ABI3BP: variants seen among roughly 807,000 people sequenced by gnomAD.
The protein encoded by ABI3BP is ABI family member 3 binding protein.
A neutral mutation model predicts 268.6 loss-of-function variants in ABI3BP; 216 were observed. That is an observed-to-expected ratio of 0.80 (90% CI 0.72 to 0.90). The LOEUF (loss-of-function observed/expected upper bound fraction) is 0.90, where lower values mean the gene tolerates loss of function less well. Ranked by LOEUF, ABI3BP falls within the 40% of genes least tolerant of loss-of-function variation. ABI3BP has a pLI of 0.00. For synonymous variants in ABI3BP, 730 were observed against 730.0 expected, an observed-to-expected ratio of 1.00 and a Z score of 0.00; for missense variants, 2,090 against 2,182.4, an observed-to-expected ratio of 0.96 and a Z score of 0.84.
intron 26 of ABI3BP, 34 bp downstream of exon 26, chr3:100,838,176 C>A (rs1488930567): frequency 2.0e-6 from 3 of 1,504,466 alleles, no homozygotes; most frequent in South Asian, 2.4e-5. Context: ...CAAAGAAAAT[C>A]CTGTTAAGCT....
At chr3:100,912,469 T>G (rs1233445827) in intron 2 of ABI3BP, among the ~76,000 whole-genome samples, 1 of 152,054 alleles carries the variant, frequency 6.6e-6, no homozygotes, top group African/African-American at 2.4e-5. Flanking sequence ...TAGAATTTGA[T>G]GAAATAAGGT....
At chr3:100,907,394 T>G (rs1037866873) in intron 2 of ABI3BP, among the ~76,000 whole-genome samples, 5 of 152,080 alleles carry the variant, frequency 3.3e-5, no homozygotes, top group African/African-American at 1.2e-4. Context: ...CTCAGGAGGC[T>G]GAGGTGGGAA....
chr3:100,816,377 T>G, intron 43 of ABI3BP: 1 of 498,094 alleles, frequency 2.0e-6, no homozygotes, highest in Non-Finnish European at 3.6e-6. Flanking sequence ...ATGGATCACA[T>G]GTTTCAATGC....
In ABI3BP at chr3:100,768,087, T is replaced by G. The variant is rs952210962; in HGVS notation, c.4742-2138A>C. 2.2e-4 allele frequency among the ~76,000 whole-genome samples: 32 copies of G among 146,122 alleles called. 1 individual carries two copies. The South Asian group carries it at 3.5e-3, about 16-fold the overall frequency. On this transcript the variant is annotated intron_variant, in intron 62 of 67. Coordinates refer to ENST00000471714, the MANE Select transcript of ABI3BP (RefSeq NM_001375547.2). ...TCTGATTTCCATTTGGCTCAAGTTT[T>G]TTTTTTTTTTTTTTTTTGAGACGGA...
chr3:100,770,649 C>T lies in ABI3BP; in HGVS notation c.4741+94G>A, dbSNP rs41272985. 1.7e-3 allele frequency: 2,039 copies of T among 1,227,796 alleles called. 6 individuals carry two copies. The highest frequency in any genetic ancestry group is 5.8e-3 in the South Asian group (233 of 40,340). The allele number at this position is 1,227,796 out of a possible 1,614,324, so 76.1% of individuals were successfully genotyped here. A position where few individuals can be genotyped will look rare whatever the true frequency, so the allele number is the denominator to read the frequency against. ...TAGTTTTGTCTCCTCCCCAGGTATG[C>T]TTCACATGTCAACGTTGACCCAGGG... On this transcript the variant is annotated intron_variant, in intron 62 of 67. Transcript: ENST00000471714.
chr3:100,961,796 A>T (rs115741130), intron 1 of ABI3BP, among the ~76,000 whole-genome samples: 1 of 152,298 alleles, frequency 6.6e-6, no homozygotes, highest in South Asian at 2.1e-4. Flanking sequence ...ACTCTTAGAC[A>T]TCATTGAAAA....
At chr3:100,955,988 G>C (rs1247753403) in intron 1 of ABI3BP, among the ~76,000 whole-genome samples, 1 of 152,036 alleles carries the variant, frequency 6.6e-6, no homozygotes, top group African/African-American at 2.4e-5. Flanking sequence ...AGGAGTTCGA[G>C]ACCAGCCTGC....
intron 12 of ABI3BP, 152 bp downstream of exon 12, chr3:100,863,850 T>C: frequency 1.7e-6 from 1 of 602,530 alleles, no homozygotes. Flanking sequence ...CAATTTGTCA[T>C]AGGGAGAGCC....
chr3:100,914,281 T>C, intron 2 of ABI3BP: 1 of 242,504 alleles, frequency 4.1e-6, no homozygotes. Context: ...ACAAGATCTG[T>C]TGAATAATGA....
At chr3:100,963,510 A>G (rs910422083) in intron 1 of ABI3BP, among the ~76,000 whole-genome samples, 2 of 152,276 alleles carry the variant, frequency 1.3e-5, no homozygotes, top group East Asian at 3.9e-4. Flanking sequence ...ACTACGATAG[A>G]CTCTACACTG....
intron 34 of ABI3BP, among the ~76,000 whole-genome samples, chr3:100,826,226 C>T (rs1216311259): frequency 6.6e-6 from 1 of 152,184 alleles, no homozygotes; most frequent in East Asian, 1.9e-4. Context: ...AGAGAAACCA[C>T]ACTTGCAGAC....
At chr3:100,967,887 GA>G (rs532443057) in intron 1 of ABI3BP, among the ~76,000 whole-genome samples, 47 of 151,752 alleles carry the variant, frequency 3.1e-4, no homozygotes, top group Non-Finnish European at 6.2e-4. Context: ...CACAGAAAAA[GA>G]AAAAAAATGA....
At chr3:100,975,877 A>T (rs1171302902) in intron 1 of ABI3BP, among the ~76,000 whole-genome samples, 1 of 152,136 alleles carries the variant, frequency 6.6e-6, no homozygotes, top group African/African-American at 2.4e-5. Flanking sequence ...AGAGGCACTA[A>T]TCAGAAGACT....
intron 4 of ABI3BP, among the ~76,000 whole-genome samples, chr3:100,897,441 A>G (rs916671300): frequency 6.6e-6 from 1 of 152,222 alleles, no homozygotes; most frequent in Admixed American, 6.5e-5. Flanking sequence ...TTAGCAAGAG[A>G]ATAAACTTTT....
chr3:100,902,716 A>C, intron 2 of ABI3BP, 30 bp from the exon 3 acceptor site: 1 of 1,604,248 alleles, frequency 6.2e-7, no homozygotes, highest in Non-Finnish European at 8.5e-7. Context: ...TTATCAGAAA[A>C]ACCCTTTGAG....
At chr3:100,788,381 A>C (rs2097110831) in intron 56 of ABI3BP, among the ~76,000 whole-genome samples, 1 of 152,082 alleles carries the variant, frequency 6.6e-6, no homozygotes, top group South Asian at 2.1e-4. Context: ...TTTATAACCC[A>C]TTTAGAAGAT....
intron 62 of ABI3BP, among the ~76,000 whole-genome samples, chr3:100,766,597 C>G (rs1248665680): frequency 6.6e-6 from 1 of 152,180 alleles, no homozygotes; most frequent in African/African-American, 2.4e-5. Flanking sequence ...TCCTTAAAGT[C>G]TGCATAGAGA....
chr3:100,835,314 A>G (rs2152853014), intron 28 of ABI3BP, among the ~76,000 whole-genome samples: 1 of 152,342 alleles, frequency 6.6e-6, no homozygotes, highest in Middle Eastern at 3.4e-3. Context: ...TTCAGTTTTA[A>G]CATAGAACAC....
At chr3:100,799,312 C>T (rs1463698164) in intron 51 of ABI3BP, among the ~76,000 whole-genome samples, 1 of 152,142 alleles carries the variant, frequency 6.6e-6, no homozygotes, top group Non-Finnish European at 1.5e-5. Flanking sequence ...GGTCCAGAAA[C>T]TCTGAAAGCT....
Sources: allele counts gnomAD v4.1 joint callset (sites outside exome capture counted in the v4.1 genomes callset), GRCh38; gene constraint gnomAD v4.1.1; transcripts MANE v1.5; gene names NCBI Gene and HGNC (gene_info 2026-07-23, HGNC 2026-07-21).